The following PIP4K2A variants were observed in gnomAD, a reference collection of about 807,000 sequenced individuals.
PIP4K2A encodes phosphatidylinositol-5-phosphate 4-kinase type 2 alpha, also known as phosphatidylinositol 5-phosphate 4-kinase type-2 alpha.
PIP4K2A carries 14 observed loss-of-function variants against 42.9 expected under a neutral mutation model. The ratio of observed to expected loss-of-function variants is 0.33; its 90% CI spans 0.22 to 0.51. The LOEUF (loss-of-function observed/expected upper bound fraction) is 0.51. Among genes scored for constraint, PIP4K2A ranks in the 20% least tolerant of loss-of-function variants. PIP4K2A has a pLI of 0.97. For missense variants in PIP4K2A, 434 were observed against 519.8 expected (o/e 0.83, Z 1.61); for synonymous variants, 192 against 192.2 (o/e 1.00, Z 0.01).
At chr10:22,662,220 T>C (rs767608151) in intron 1 of PIP4K2A, among the ~76,000 whole-genome samples, 7 of 152,256 alleles carry the variant, frequency 4.6e-5, no homozygotes, top group Non-Finnish European at 7.3e-5. Flanking sequence ...CAAATGCCAA[T>C]TGTTTAATCT....
At chr10:22,628,419 G>C (rs981526116) in intron 1 of PIP4K2A, among the ~76,000 whole-genome samples, 1 of 152,152 alleles carries the variant, frequency 6.6e-6, no homozygotes, top group African/African-American at 2.4e-5. Flanking sequence ...TACCCTAAAT[G>C]CTTTAAATTG....
At chr10:22,621,171 T>C (rs1483881160) in intron 1 of PIP4K2A, among the ~76,000 whole-genome samples, 1 of 152,210 alleles carries the variant, frequency 6.6e-6, no homozygotes, top group Non-Finnish European at 1.5e-5. Flanking sequence ...TTTGAATCTC[T>C]GGACCTGGGG....
chr10:22,573,526 C>G, intron 4 of PIP4K2A, 69 bp from the exon 5 acceptor site: 1 of 1,360,696 alleles, frequency 7.3e-7, no homozygotes, highest in Non-Finnish European at 1.0e-6. Context: ...ATGTAAAATA[C>G]ATACGCCTAT....
intron 3 of PIP4K2A, among the ~76,000 whole-genome samples, chr10:22,592,739 G>A (rs192822331): frequency 9.9e-5 from 15 of 152,208 alleles, no homozygotes; most frequent in African/African-American, 3.1e-4. Context: ...GACAATGGCC[G>A]TCCAGCCATG....
At chr10:22,658,666 G>A (rs930559712) in intron 1 of PIP4K2A, among the ~76,000 whole-genome samples, 10 of 152,138 alleles carry the variant, frequency 6.6e-5, no homozygotes, top group Admixed American at 6.5e-4. Context: ...GGATCATATG[G>A]TTGCTGCGCA....
intron 4 of PIP4K2A, among the ~76,000 whole-genome samples, chr10:22,576,711 A>G (rs1837132760): frequency 6.6e-6 from 1 of 152,182 alleles, no homozygotes; most frequent in Non-Finnish European, 1.5e-5. Context: ...AGTAGTATGG[A>G]AGTGTTATCT....
At position 22,535,941 on chromosome 10, in the gene PIP4K2A, T is replaced by C; in HGVS notation, c.*1260A>G. 5.1e-6 allele frequency: 2 copies of C among 393,894 alleles called. No individual in the cohort carries two copies. The highest frequency in any genetic ancestry group is 9.0e-6 in the Non-Finnish European group (2 of 223,424). The allele number at this position is 393,894 out of a possible 1,614,324, so 24.4% of individuals were successfully genotyped here. On this transcript the variant is annotated 3_prime_UTR_variant, in exon 10 of 10. Coordinates refer to ENST00000376573, the MANE Select transcript of PIP4K2A (RefSeq NM_005028.5). ...GTGAAAGACTGTCTACCATGTACTT[T>C]GACTAAAACACTCACGTAAAAACAT... is the stretch of plus-strand genomic sequence containing the variant.
At chr10:22,696,399 T>G (rs1241539266) in intron 1 of PIP4K2A, among the ~76,000 whole-genome samples, 2 of 152,212 alleles carry the variant, frequency 1.3e-5, no homozygotes, top group South Asian at 4.1e-4. Flanking sequence ...TTTCTTCTTA[T>G]AAATAACCAA....
intron 3 of PIP4K2A, among the ~76,000 whole-genome samples, chr10:22,606,510 C>T (rs971093369): frequency 6.6e-6 from 1 of 152,182 alleles, no homozygotes; most frequent in Non-Finnish European, 1.5e-5. Context: ...GCCTGGTCAG[C>T]GCTGCTTTCT....
chr10:22,595,072 G>A (rs573462931), intron 3 of PIP4K2A, among the ~76,000 whole-genome samples: 28 of 152,238 alleles, frequency 1.8e-4, no homozygotes, highest in East Asian at 9.7e-4. Flanking sequence ...TAAATCAAGT[G>A]TATTAAAAGC....
At chr10:22,712,516 CTA>C (rs1833928426) in intron 1 of PIP4K2A, among the ~76,000 whole-genome samples, 1 of 152,018 alleles carries the variant, frequency 6.6e-6, no homozygotes, top group African/African-American at 2.4e-5. Flanking sequence ...AGTTTCTATT[CTA>C]GTAATAAGGG....
At chr10:22,631,374 C>T (rs569215713) in intron 1 of PIP4K2A, among the ~76,000 whole-genome samples, 1 of 152,134 alleles carries the variant, frequency 6.6e-6, no homozygotes, top group South Asian at 2.1e-4. Context: ...CTTTTAAGTA[C>T]AGACACCAAA....
intron 4 of PIP4K2A, among the ~76,000 whole-genome samples, chr10:22,591,219 C>T (rs1164405845): frequency 6.6e-6 from 1 of 152,208 alleles, no homozygotes; most frequent in Non-Finnish European, 1.5e-5. Flanking sequence ...CCTGCTGGGG[C>T]CAGGACAGAA....
intron 3 of PIP4K2A, among the ~76,000 whole-genome samples, chr10:22,601,783 C>T (rs1229881660): frequency 6.6e-6 from 1 of 152,112 alleles, no homozygotes; most frequent in Admixed American, 6.5e-5. Context: ...CACCAGGTAT[C>T]CTACCACTAC....
chr10:22,545,210 C>T (rs1008232552), intron 7 of PIP4K2A, among the ~76,000 whole-genome samples: 2 of 152,190 alleles, frequency 1.3e-5, no homozygotes, highest in African/African-American at 4.8e-5. Context: ...CTACCAAAGC[C>T]AAATACAAAC....
intron 1 of PIP4K2A, among the ~76,000 whole-genome samples, chr10:22,614,318 A>G (rs563108266): frequency 1.3e-5 from 2 of 152,384 alleles, no homozygotes; most frequent in South Asian, 4.1e-4. Flanking sequence ...CGGAGATCAT[A>G]TAGTCTAACC....
chr10:22,709,551 GT>G, intron 1 of PIP4K2A, among the ~76,000 whole-genome samples: 1 of 152,222 alleles, frequency 6.6e-6, no homozygotes, highest in Non-Finnish European at 1.5e-5. Flanking sequence ...GATTTTGGTG[GT>G]TTATTATAAT....
intron 1 of PIP4K2A, among the ~76,000 whole-genome samples, chr10:22,668,186 G>A (rs565605285): frequency 3.3e-5 from 5 of 152,256 alleles, no homozygotes; most frequent in South Asian, 2.1e-4. Flanking sequence ...TCCTGACCTC[G>A]TGATCCGCCT....
At chr10:22,550,054 C>G (rs1185982575) in intron 7 of PIP4K2A, among the ~76,000 whole-genome samples, 4 of 152,036 alleles carry the variant, frequency 2.6e-5, no homozygotes, top group Non-Finnish European at 5.9e-5. Context: ...TGGACGAAAG[C>G]CCCTTGGACA....
Sources: allele counts gnomAD v4.1 joint callset (sites outside exome capture counted in the v4.1 genomes callset), GRCh38; gene constraint gnomAD v4.1.1; transcripts MANE v1.5; gene names NCBI Gene and HGNC (gene_info 2026-07-23, HGNC 2026-07-21).